Variants in ABL1 observed in about 807,000 individuals in gnomAD.
ABL1 encodes tyrosine-protein kinase ABL1.
A neutral mutation model predicts 94.7 loss-of-function variants in ABL1; 11 were observed. The observed-to-expected ratio is 0.12, with a 90% CI of 0.07 to 0.19. The LOEUF (loss-of-function observed/expected upper bound fraction) is 0.19. Ranked by LOEUF, ABL1 falls within the 10% of genes least tolerant of loss-of-function variation. ABL1 has a pLI of 1.00. For synonymous variants in ABL1, 656 were observed against 622.4 expected, an observed-to-expected ratio of 1.05 and a Z score of -0.80; for missense variants, 1,082 against 1,489.4, an observed-to-expected ratio of 0.73 and a Z score of 4.50.
intron 1 of ABL1, among the ~76,000 whole-genome samples, chr9:130,824,704 C>T (rs1328375628): frequency 6.6e-6 from 1 of 152,146 alleles, no homozygotes; most frequent in African/African-American, 2.4e-5. Flanking sequence ...CTCTGCTTTG[C>T]TGTTTTGTTT....
At chr9:130,844,016 A>G (rs932874678) in intron 1 of ABL1, among the ~76,000 whole-genome samples, 1 of 152,146 alleles carries the variant, frequency 6.6e-6, no homozygotes, top group Non-Finnish European at 1.5e-5. Context: ...GCAAACTGCC[A>G]GCTACCCTGC....
chr9:130,714,137 T>G (rs1297730190), exon 1 of ABL1: 6 of 477,204 alleles, frequency 1.3e-5, no homozygotes, highest in Non-Finnish European at 2.1e-5. Flanking sequence ...CTTGCAAGTG[T>G]CAACCTAAAA....
At chr9:130,813,561 C>CAAAAA (rs57194587) in intron 1 of ABL1, among the ~76,000 whole-genome samples, 167 of 60,406 alleles carry the variant, frequency 2.8e-3, no homozygotes, top group South Asian at 4.2e-3. Flanking sequence ...ACTCCATCTC[C>CAAAAA]AAAAAAAAAA....
chr9:130,810,905 A>G lies in ABL1; in HGVS notation c.137-43159A>G, dbSNP rs138929101. ...AGCAAATTGCTTAAAACCATGGTTTAAAATGGCCAAAGAAAAAGATACATT... is the reference window on the plus strand; with the variant it reads ...AGCAAATTGCTTAAAACCATGGTTTGAAATGGCCAAAGAAAAAGATACATT... On this transcript the variant is annotated intron_variant, in intron 1 of 10. Coordinates refer to the ABL1 transcript ENST00000372348. 5.2e-3 allele frequency among the ~76,000 whole-genome samples: 795 copies of G among 152,288 alleles called. 3 individuals carry two copies. The highest frequency in any genetic ancestry group is 9.0e-3 in the Non-Finnish European group (612 of 68,022).
At chr9:130,792,971 G>A (rs1225846843) in intron 1 of ABL1, among the ~76,000 whole-genome samples, 2 of 152,160 alleles carry the variant, frequency 1.3e-5, no homozygotes, top group Non-Finnish European at 2.9e-5. Context: ...TGTCACCCAG[G>A]CTGGAGTGCA....
At chr9:130,731,917 T>G (rs1831671444) in intron 1 of ABL1, among the ~76,000 whole-genome samples, 2 of 151,956 alleles carry the variant, frequency 1.3e-5, no homozygotes, top group Admixed American at 6.6e-5. Flanking sequence ...GAAACTTTTT[T>G]TTTTCTGTTA....
intron 7 of ABL1, among the ~76,000 whole-genome samples, chr9:130,877,385 G>T (rs1831364582): frequency 6.8e-6 from 1 of 148,142 alleles, no homozygotes; most frequent in Non-Finnish European, 1.5e-5. Context: ...GAAATGTTTA[G>T]AGTTAGAAGG....
chr9:130,752,970 A>G lies in ABL1; in HGVS notation c.136+38515A>G, dbSNP rs992634035. 3.7e-4 allele frequency among the ~76,000 whole-genome samples: 51 copies of G among 139,284 alleles called. 2 individuals are homozygous for G. The highest frequency in any genetic ancestry group is 1.3e-3 in the African/African-American group (49 of 37,274). The allele number at this position is 139,284 out of a possible 152,430, so 91.4% of individuals were successfully genotyped here. A position where few individuals can be genotyped will look rare whatever the true frequency, so the allele number is the denominator to read the frequency against. ...CGAGACTTCGTCTCAAAAAAAAAAAAAAAGGGCTGGGCGCAGTGGCTCACG... is the reference window on the plus strand; with the variant it reads ...CGAGACTTCGTCTCAAAAAAAAAAAGAAAGGGCTGGGCGCAGTGGCTCACG... On this transcript the variant is annotated intron_variant, in intron 1 of 10. Coordinates refer to the ABL1 transcript ENST00000372348.
chr9:130,811,983 A>G (rs576990332), intron 1 of ABL1, among the ~76,000 whole-genome samples: 3 of 151,722 alleles, frequency 2.0e-5, no homozygotes, highest in Non-Finnish European at 2.9e-5. Flanking sequence ...GCAGAAAAAA[A>G]AACTAAACAG....
chr9:130,781,569 A>G (rs1337777432), intron 1 of ABL1, among the ~76,000 whole-genome samples: 1 of 152,192 alleles, frequency 6.6e-6, no homozygotes, highest in Non-Finnish European at 1.5e-5. Context: ...TGACTTTTAA[A>G]TTGATAATCT....
At chr9:130,721,420 A>G (rs1831512369) in intron 1 of ABL1, among the ~76,000 whole-genome samples, 1 of 150,990 alleles carries the variant, frequency 6.6e-6, no homozygotes, top group South Asian at 2.1e-4. Flanking sequence ...TCTTAAAATT[A>G]TACTAAGGCC....
rs542598591 is a variant in ABL1 at position 130,886,999 on chromosome 9, G to A, written c.*1316G>A. 98 of 232,848 alleles carry A rather than the reference G, an allele frequency of 4.2e-4. 1 individual carries two copies. In the South Asian group the frequency reaches 0.016, roughly 37 times the overall value. The allele number at this position is 232,848 out of a possible 1,614,324, so 14.4% of individuals were successfully genotyped here. On this transcript the variant is annotated 3_prime_UTR_variant, in exon 11 of 11. Transcript: ENST00000318560. ...AAGCCTCACGTATTTCACAGAGCAC[G>A]CCTGCCATCTTCTCCCCGAGGCTGC...
intron 7 of ABL1, among the ~76,000 whole-genome samples, 175 bp from the exon 8 acceptor site, chr9:130,878,240 C>T (rs917199271): frequency 3.9e-5 from 6 of 152,132 alleles, no homozygotes; most frequent in East Asian, 1.9e-4. Flanking sequence ...CGTGAGCCAC[C>T]GCACCCAGCC....
At chr9:130,845,530 C>T (rs1306070889) in intron 1 of ABL1, among the ~76,000 whole-genome samples, 3 of 151,800 alleles carry the variant, frequency 2.0e-5, no homozygotes, top group Admixed American at 6.6e-5. Context: ...TTAGTAGAGA[C>T]GTGGTTTAGT....
intron 1 of ABL1, among the ~76,000 whole-genome samples, chr9:130,719,623 A>C (rs1357690214): frequency 6.6e-6 from 1 of 152,236 alleles, no homozygotes; most frequent in Admixed American, 6.6e-5. Flanking sequence ...GAATTTGCTT[A>C]AGTTGTGTCT....
At chr9:130,773,999 A>G (rs1286905525) in intron 1 of ABL1, among the ~76,000 whole-genome samples, 1 of 152,094 alleles carries the variant, frequency 6.6e-6, no homozygotes, top group African/African-American at 2.4e-5. Flanking sequence ...GTCACCATAA[A>G]TTAGTTTTCA....
chr9:130,782,661 C>T (rs767936366), intron 1 of ABL1, among the ~76,000 whole-genome samples: 21 of 152,186 alleles, frequency 1.4e-4, no homozygotes, highest in Non-Finnish European at 1.9e-4. Flanking sequence ...AGATATAATG[C>T]GCTGAAGGTC....
intron 1 of ABL1, among the ~76,000 whole-genome samples, chr9:130,842,004 G>A (rs72765063): frequency 0.22 from 31,074 of 144,500 alleles, 4,075 homozygotes; most frequent in African/African-American, 0.37. Context: ...GAGACTGAGA[G>A]ACAAATACAA....
intron 1 of ABL1, among the ~76,000 whole-genome samples, chr9:130,764,282 C>T (rs904908333): frequency 8.5e-5 from 13 of 152,258 alleles, no homozygotes; most frequent in Middle Eastern, 3.4e-3. Flanking sequence ...TTCTGGAGTG[C>T]GTTTCTTCTG....
Sources: allele counts gnomAD v4.1 joint callset (sites outside exome capture counted in the v4.1 genomes callset), GRCh38; gene constraint gnomAD v4.1.1; transcripts MANE v1.5; gene names NCBI Gene and HGNC (gene_info 2026-07-23, HGNC 2026-07-21).